The following ERGIC1 variants were observed in gnomAD, a reference collection of about 807,000 sequenced individuals.
ERGIC1 encodes the protein endoplasmic reticulum-Golgi intermediate compartment protein 1.
A neutral mutation model predicts 38.3 loss-of-function variants in ERGIC1; 19 were observed. That is an observed-to-expected ratio of 0.50 (90% CI 0.35 to 0.73). The LOEUF is 0.73. Among genes scored for constraint, ERGIC1 ranks in the 30% least tolerant of loss-of-function variants. ERGIC1 has a pLI of 0.01. For missense variants in ERGIC1, 294 were observed against 389.2 expected, an observed-to-expected ratio of 0.76 and a Z score of 2.06; for synonymous variants, 124 against 157.6, an observed-to-expected ratio of 0.79 and a Z score of 1.60.
chr5:172,894,395 C>T (rs1264001519), intron 2 of ERGIC1, among the ~76,000 whole-genome samples: 2 of 151,716 alleles, frequency 1.3e-5, no homozygotes, highest in Non-Finnish European at 2.9e-5. Context: ...GGGGTTTCAC[C>T]GTGTTGGTCA....
chr5:172,914,353 T>C (rs1487731422), intron 4 of ERGIC1, among the ~76,000 whole-genome samples: 1 of 152,168 alleles, frequency 6.6e-6, no homozygotes, highest in Non-Finnish European at 1.5e-5. Context: ...CTATGAACTA[T>C]TTGATCCCCA....
rs192765437 is a variant in ERGIC1, at chr5:172,951,643, A to G, written c.*827A>G. ...CTGGTTCCCACTGCCAAGATCTCCC[A>G]CCACTCTGCTGGGATCTGCAGTGGC... On this transcript the variant is annotated 3_prime_UTR_variant, in exon 10 of 10. Transcript: ENST00000393784. 4.6e-5 allele frequency: 7 copies of G among 152,216 alleles called. No homozygotes were observed. The East Asian group carries it at 1.4e-3, about 29-fold the overall frequency. The allele number at this position is 152,216 out of a possible 1,614,324, so 9.4% of individuals were successfully genotyped here.
chr5:172,869,778 C>T (rs1020937066), intron 1 of ERGIC1, among the ~76,000 whole-genome samples: 8 of 152,196 alleles, frequency 5.3e-5, no homozygotes, highest in Non-Finnish European at 8.8e-5. Flanking sequence ...ATGGGACACC[C>T]GTTCTTCCTT....
intron 1 of ERGIC1, among the ~76,000 whole-genome samples, chr5:172,884,974 C>G (rs1178282366): frequency 6.6e-6 from 1 of 152,086 alleles, no homozygotes; most frequent in Non-Finnish European, 1.5e-5. Context: ...CATGTTTGAC[C>G]AGTCTCTCTG....
At chr5:172,946,634 TC>T (rs1442398174) in intron 9 of ERGIC1, among the ~76,000 whole-genome samples, 2 of 152,210 alleles carry the variant, frequency 1.3e-5, no homozygotes, top group Non-Finnish European at 2.9e-5. Context: ...ACCAGCCACT[TC>T]CCTGAGCGAG....
intron 1 of ERGIC1, among the ~76,000 whole-genome samples, chr5:172,861,800 A>C (rs911395286): frequency 1.3e-5 from 2 of 152,080 alleles, no homozygotes; most frequent in Non-Finnish European, 2.9e-5. Context: ...ACTCAGGGTG[A>C]TTGGTGGGGC....
intron 1 of ERGIC1, among the ~76,000 whole-genome samples, chr5:172,859,962 C>T (rs992599191): frequency 2.6e-5 from 4 of 152,224 alleles, no homozygotes; most frequent in Non-Finnish European, 4.4e-5. Flanking sequence ...CAGGCCTTTT[C>T]TTAATTATTC....
At chr5:172,893,599 C>G (rs753710424) in intron 2 of ERGIC1, among the ~76,000 whole-genome samples, 55 of 151,934 alleles carry the variant, frequency 3.6e-4, no homozygotes, top group South Asian at 3.3e-3. Flanking sequence ...TTTGCCTGCT[C>G]AGTTTTCCAA....
chr5:172,909,720 A>G lies in ERGIC1; in HGVS notation c.209A>G (p.Asp70Gly), dbSNP rs758377263. 7 of 1,614,190 alleles carry G rather than the reference A, an allele frequency of 4.3e-6. No individual in the cohort carries two copies. The highest frequency in any genetic ancestry group is 5.9e-6 in the Non-Finnish European group (7 of 1,180,036). ...DPDKDSGGKI[D>G]VSLNISLPNL... The stretch of plus-strand genomic sequence containing the variant: ...GACAAGGACAGCGGTGGCAAGATCG[A>G]CGTCAGTCTGAACATCAGTTTACCC... The change falls in exon 4 of 10, where the codon GAC (aspartate) becomes GGC (glycine). Residue 70 changes from aspartate (D) to glycine (G), a missense_variant. By Grantham distance (94) the Asp-to-Gly change is moderately conservative (BLOSUM62 -1). Around this residue, in one of 3 missense-constraint regions of ERGIC1, gnomAD observed 163 missense variants for 225.8 expected, o/e 0.72. Coordinates refer to ENST00000393784, the MANE Select transcript of ERGIC1 (RefSeq NM_001031711.3).
At chr5:172,902,874 C>G (rs1762920093) in intron 3 of ERGIC1, among the ~76,000 whole-genome samples, 1 of 152,080 alleles carries the variant, frequency 6.6e-6, no homozygotes, top group African/African-American at 2.4e-5. Context: ...TATTTAAGTG[C>G]TCTTCAAAAA....
chr5:172,897,885 CAG>C (rs1422743401), intron 3 of ERGIC1: 3 of 413,798 alleles, frequency 7.2e-6, no homozygotes, highest in Admixed American at 4.4e-5. Context: ...GTGGCTGACG[CAG>C]AGTTAAACCA....
chr5:172,854,417 T>C (rs1237710185), intron 1 of ERGIC1, among the ~76,000 whole-genome samples: 1 of 152,248 alleles, frequency 6.6e-6, no homozygotes, highest in African/African-American at 2.4e-5. Context: ...GACCCTTGAA[T>C]AATGTTTTGT....
chr5:172,925,746 T>G (rs576580713), intron 6 of ERGIC1, among the ~76,000 whole-genome samples: 2 of 152,324 alleles, frequency 1.3e-5, no homozygotes, highest in Admixed American at 1.3e-4. Flanking sequence ...TGTCATTTCC[T>G]CCAGGAAGGC....
chr5:172,939,327 G>A (rs1763956971), intron 9 of ERGIC1, among the ~76,000 whole-genome samples: 1 of 152,218 alleles, frequency 6.6e-6, no homozygotes, highest in African/African-American at 2.4e-5. Context: ...CCTTTGTTTG[G>A]GAAGCTCTAA....
chr5:172,893,889 A>G lies in ERGIC1; in HGVS notation c.83-3113A>G, dbSNP rs1330499350. Among the ~76,000 whole-genome samples, 119 of 17,090 alleles carry G rather than the reference A, an allele frequency of 7.0e-3. 3 individuals are homozygous for G. Among genetic ancestry groups the G allele is most frequent in the South Asian group, 0.018 (6 of 332 alleles). The allele number at this position is 17,090 out of a possible 152,430, so 11.2% of individuals were successfully genotyped here. On this transcript the variant is annotated intron_variant, in intron 2 of 9. Coordinates refer to ENST00000393784, the MANE Select transcript of ERGIC1 (RefSeq NM_001031711.3). Reference sequence around the variant, plus strand: ...GGGGGATATATATATATATATATATATATATATATATATATATGTGTGTGT... The same window carrying G: ...GGGGGATATATATATATATATATATGTATATATATATATATATGTGTGTGT...
chr5:172,914,234 C>CAAAAA (rs35584191), intron 4 of ERGIC1, among the ~76,000 whole-genome samples: 9 of 102,176 alleles, frequency 8.8e-5, no homozygotes, highest in African/African-American at 2.1e-4. Flanking sequence ...GACTCTGTCT[C>CAAAAA]AAAAAAAAAA....
chr5:172,889,011 G>C (rs890528614), intron 2 of ERGIC1, among the ~76,000 whole-genome samples: 3 of 152,158 alleles, frequency 2.0e-5, no homozygotes, highest in African/African-American at 7.2e-5. Context: ...CAGGCTGGGC[G>C]CGGTGGCTCA....
At chr5:172,899,262 G>C (rs994454592) in intron 3 of ERGIC1, among the ~76,000 whole-genome samples, 2 of 151,754 alleles carry the variant, frequency 1.3e-5, no homozygotes, top group African/African-American at 4.8e-5. Context: ...CAGGCAGGAC[G>C]GAGAGGGGCC....
intron 1 of ERGIC1, among the ~76,000 whole-genome samples, chr5:172,870,055 G>GTC (rs780521129): frequency 6.6e-6 from 1 of 151,910 alleles, no homozygotes; most frequent in Admixed American, 6.6e-5. Context: ...TAACTTTTAT[G>GTC]TCTCTCTCTC....
Sources: allele counts gnomAD v4.1 joint callset (sites outside exome capture counted in the v4.1 genomes callset), GRCh38; gene constraint gnomAD v4.1.1; regional missense constraint gnomAD v4.1.1; transcripts MANE v1.5; gene names NCBI Gene and HGNC (gene_info 2026-07-23, HGNC 2026-07-21).